The following MSRA variants were observed in gnomAD, a reference collection of about 807,000 sequenced individuals.
MSRA encodes the protein methionine sulfoxide reductase A.
Under a neutral mutation model 31.3 loss-of-function variants are expected in MSRA, and 54 were observed. The observed-to-expected ratio is 1.73, with a 90% CI of 1.39 to 2.17. The LOEUF is 2.17. Among genes scored for constraint, MSRA ranks in the 30% most tolerant of loss-of-function variants. MSRA has a pLI of 0.00. For missense variants in MSRA, 507 were observed against 300.9 expected (o/e 1.69, Z -5.07); for synonymous variants, 169 against 116.5 (o/e 1.45, Z -2.90).
chr8:10,243,367 A>G (rs1797438073), intron 2 of MSRA, among the ~76,000 whole-genome samples: 1 of 152,178 alleles, frequency 6.6e-6, no homozygotes, highest in Admixed American at 6.5e-5. Context: ...CCTTTTCCAG[A>G]GAATCCCTAT....
chr8:10,239,445 C>A (rs865854307), intron 2 of MSRA, among the ~76,000 whole-genome samples: 25 of 152,186 alleles, frequency 1.6e-4, no homozygotes, highest in African/African-American at 4.1e-4. Flanking sequence ...CAGGCATGAG[C>A]CACCACCCCT....
intron 1 of MSRA, among the ~76,000 whole-genome samples, chr8:10,062,332 G>C (rs937871007): frequency 1.3e-5 from 2 of 152,232 alleles, no homozygotes; most frequent in Non-Finnish European, 2.9e-5. Flanking sequence ...GATGCTTTCA[G>C]GATGTCAGTG....
At chr8:10,337,174 T>A (rs1803102089) in intron 5 of MSRA, 1 of 152,950 alleles carries the variant, frequency 6.5e-6, no homozygotes, top group Non-Finnish European at 1.5e-5. Context: ...TCTAGAAGCC[T>A]ATGTTACTTT....
chr8:10,301,894 A>G (rs1213922669), intron 4 of MSRA, among the ~76,000 whole-genome samples: 1 of 152,184 alleles, frequency 6.6e-6, no homozygotes, highest in African/African-American at 2.4e-5. Context: ...AAGACGCCAG[A>G]CAATAGCGAT....
intron 5 of MSRA, among the ~76,000 whole-genome samples, chr8:10,387,985 C>A (rs79596141): frequency 3.9e-4 from 59 of 152,260 alleles, no homozygotes; most frequent in African/African-American, 1.4e-3. Flanking sequence ...GCCCCAACAT[C>A]ATAGTAGTAC....
chr8:10,105,013 T>C (rs956512782), intron 1 of MSRA, among the ~76,000 whole-genome samples: 10 of 152,224 alleles, frequency 6.6e-5, no homozygotes, highest in Admixed American at 1.3e-4. Context: ...GTTACGTTTA[T>C]TGGTATAGCT....
chr8:10,374,739 TGTTGGATATG>T (rs1433992024), intron 5 of MSRA, among the ~76,000 whole-genome samples: 2 of 152,142 alleles, frequency 1.3e-5, no homozygotes, highest in African/African-American at 4.8e-5. Flanking sequence ...GGGATTGACT[TGTTGGATATG>T]GTTTGGATGT....
At chr8:10,187,291 T>C (rs7820236) in intron 1 of MSRA, among the ~76,000 whole-genome samples, 80,576 of 151,978 alleles carry the variant, frequency 0.53, 22,703 homozygotes, top group African/African-American at 0.74. Flanking sequence ...TTTTTACTCA[T>C]TCTTGGATGT....
At chr8:10,094,726 G>T (rs371290852) in intron 1 of MSRA, among the ~76,000 whole-genome samples, 9 of 152,204 alleles carry the variant, frequency 5.9e-5, no homozygotes, top group African/African-American at 2.2e-4. Flanking sequence ...GTGAAGCACA[G>T]ACTGGCTATT....
intron 2 of MSRA, among the ~76,000 whole-genome samples, chr8:10,237,928 A>T (rs981491749): frequency 6.6e-6 from 1 of 152,140 alleles, no homozygotes; most frequent in Non-Finnish European, 1.5e-5. Context: ...ACTCTAGTCT[A>T]TTCTCAACCG....
intron 3 of MSRA, among the ~76,000 whole-genome samples, chr8:10,288,411 G>T (rs1800051720): frequency 6.6e-6 from 1 of 152,186 alleles, no homozygotes; most frequent in Non-Finnish European, 1.5e-5. Flanking sequence ...ATAGAATCAG[G>T]TGGTTTGGTG....
At chr8:10,404,660 C>G (rs912763605) in intron 5 of MSRA, among the ~76,000 whole-genome samples, 4 of 152,252 alleles carry the variant, frequency 2.6e-5, no homozygotes, top group Admixed American at 2.0e-4. Context: ...GCCGCCCTCC[C>G]TCGCACACAC....
At chr8:10,248,093 C>T (rs1797719287) in intron 3 of MSRA, among the ~76,000 whole-genome samples, 1 of 152,106 alleles carries the variant, frequency 6.6e-6, no homozygotes, top group Admixed American at 6.5e-5. Context: ...AATAAACAAA[C>T]AAACAAACAA....
At chr8:10,324,234 T>G (rs1802230746) in intron 5 of MSRA, among the ~76,000 whole-genome samples, 1 of 152,226 alleles carries the variant, frequency 6.6e-6, no homozygotes, top group African/African-American at 2.4e-5. Flanking sequence ...ACTGAATCTT[T>G]TAATTAATTT....
intron 5 of MSRA, among the ~76,000 whole-genome samples, chr8:10,354,361 G>C (rs1367376631): frequency 6.6e-6 from 1 of 152,202 alleles, no homozygotes; most frequent in African/African-American, 2.4e-5. Flanking sequence ...ACACACAAAT[G>C]CGAGGACACA....
intron 1 of MSRA, among the ~76,000 whole-genome samples, chr8:10,182,148 G>C (rs180681240): frequency 6.6e-6 from 1 of 152,110 alleles, no homozygotes; most frequent in Non-Finnish European, 1.5e-5. Flanking sequence ...TCAGGGACTT[G>C]CTTGGTTTAT....
At chr8:10,241,168 T>C (rs1053431376) in intron 2 of MSRA, among the ~76,000 whole-genome samples, 2 of 152,164 alleles carry the variant, frequency 1.3e-5, no homozygotes, top group African/African-American at 4.8e-5. Context: ...CTGTGCAGTG[T>C]GCTTCATTAT....
intron 5 of MSRA, among the ~76,000 whole-genome samples, chr8:10,420,439 C>A (rs1808738958): frequency 6.6e-6 from 1 of 152,072 alleles, no homozygotes. Context: ...TAACAAACTA[C>A]CCCAAAACTT....
At chr8:10,307,911 C>G (rs1208110511) in intron 4 of MSRA, among the ~76,000 whole-genome samples, 2 of 152,206 alleles carry the variant, frequency 1.3e-5, no homozygotes, top group South Asian at 2.1e-4. Flanking sequence ...AGTATGGCCA[C>G]ATGTCTAAAT....
Sources: gnomAD v4.1 joint callset for allele counts (sites outside exome capture counted in the v4.1 genomes callset) on GRCh38, gnomAD v4.1.1 for gene constraint, MANE v1.5 for transcripts, NCBI Gene and HGNC (gene_info 2026-07-23, HGNC 2026-07-21) for gene names.